The following RPS6KA3 variants were observed in gnomAD, a reference collection of about 807,000 sequenced individuals.
RPS6KA3 encodes the protein ribosomal protein S6 kinase alpha-3.
A neutral mutation model predicts 67.2 loss-of-function variants in RPS6KA3; 4 were observed. The observed-to-expected ratio is 0.06, with a 90% CI of 0.03 to 0.14. The LOEUF (loss-of-function observed/expected upper bound fraction) is 0.14. Ranked by LOEUF, RPS6KA3 falls within the 10% of genes least tolerant of loss-of-function variation. The pLI is 1.00. For synonymous variants in RPS6KA3, 182 were observed against 183.7 expected (o/e 0.99, Z 0.07); for missense variants, 204 against 559.0 (o/e 0.36, Z 6.40).
intron 2 of RPS6KA3, among the ~76,000 whole-genome samples, chrX:20,224,635 A>G (rs2069066152): frequency 9.0e-6 from 1 of 111,729 alleles, no homozygotes; most frequent in African/African-American, 3.3e-5. Flanking sequence ...CCATCAATAG[A>G]CAGTGTTATA....
At chrX:20,173,238 G>A (rs1012271391) in intron 14 of RPS6KA3, among the ~76,000 whole-genome samples, 1 of 111,726 alleles carries the variant, frequency 9.0e-6, no homozygotes, top group Non-Finnish European at 1.9e-5. Context: ...GAAACCTATG[G>A]TATAGAAGGA....
In RPS6KA3 at chrX:20,195,029, G is replaced by A. The variant is rs199524270; in HGVS notation, c.406+36C>T. ...TGTCCTCAGGGATTTTGAGGGATGA[G>A]GTCAAGGGATGATGTGGGAGACGGC... On this transcript the variant is annotated intron_variant, in intron 5 of 21. Coordinates refer to ENST00000379565, the MANE Select transcript of RPS6KA3 (RefSeq NM_004586.3). 6.2e-5 allele frequency: 55 copies of A among 880,735 alleles called. 1 individual carries two copies. In the Admixed American group the frequency reaches 8.9e-4, roughly 14 times the overall value. 72.6% of individuals were successfully genotyped at this position (880,735 alleles called of 1,213,427 possible).
At chrX:20,177,340 T>C (rs1228321435) in intron 10 of RPS6KA3, among the ~76,000 whole-genome samples, 1 of 112,066 alleles carries the variant, frequency 8.9e-6, no homozygotes, top group Non-Finnish European at 1.9e-5. Flanking sequence ...CTGGTTTTAT[T>C]TGCACTTATT....
At chrX:20,232,323 C>T (rs1214804467) in intron 2 of RPS6KA3, among the ~76,000 whole-genome samples, 3 of 112,311 alleles carry the variant, frequency 2.7e-5, no homozygotes, top group African/African-American at 9.7e-5. Context: ...GCCTGTAATC[C>T]CAGCACTTTG....
chrX:20,163,825 C>T (rs1047421641), intron 18 of RPS6KA3, among the ~76,000 whole-genome samples: 2 of 111,376 alleles, frequency 1.8e-5, no homozygotes, highest in Non-Finnish European at 3.8e-5. Flanking sequence ...TGTGCCATCA[C>T]GCTTGGCTTA....
upstream of RPS6KA3, chrX:20,267,053 G>C (rs1190447643): frequency 1.3e-6 from 1 of 752,514 alleles, no homozygotes; most frequent in Non-Finnish European, 1.6e-6. Context: ...CTCTCAAAGC[G>C]AGGCTCGGCC....
chrX:20,257,646 C>T (rs780158959), intron 1 of RPS6KA3, among the ~76,000 whole-genome samples: 66 of 111,754 alleles, frequency 5.9e-4, no homozygotes, highest in East Asian at 3.3e-3. Flanking sequence ...CCACTTTTTC[C>T]GTTTTAACTA....
chrX:20,160,859 G>A (rs762838376), intron 20 of RPS6KA3, among the ~76,000 whole-genome samples: 2 of 111,724 alleles, frequency 1.8e-5, no homozygotes, highest in African/African-American at 3.3e-5. Flanking sequence ...TTACTTATAC[G>A]ATCACCTCAA....
At chrX:20,180,818 A>C (rs2067824930) in intron 10 of RPS6KA3, among the ~76,000 whole-genome samples, 2 of 112,454 alleles carry the variant, frequency 1.8e-5, no homozygotes, top group Admixed American at 9.5e-5. Flanking sequence ...TTTTTGTTTC[A>C]GATATTGAGA....
rs905556279 is a variant in RPS6KA3 at position 20,154,632 on chromosome X, A to G, written c.*766T>C. 8.8e-6 allele frequency: 1 copy of G among 113,165 alleles called. No individual in the cohort carries two copies. Among genetic ancestry groups the G allele is most frequent in the Non-Finnish European group, 1.9e-5 (1 of 53,576 alleles). The allele number at this position is 113,165 out of a possible 1,213,427, so 9.3% of individuals were successfully genotyped here. ...CTTGATTTCATGCCACACACATATG[A>G]TAACTTTCTCTACCATAACAGCTCT... On this transcript the variant is annotated 3_prime_UTR_variant, in exon 22 of 22. Transcript: ENST00000379565.
Position 20,155,299 on chromosome X carries a change from A to G in RPS6KA3, c.*99T>C, listed in dbSNP as rs1695936294. On this transcript the variant is annotated 3_prime_UTR_variant, in exon 22 of 22. Coordinates refer to ENST00000379565, the MANE Select transcript of RPS6KA3 (RefSeq NM_004586.3). ...CAGCATTATGGGTACCAGCTGGGACAGTGTGTGCTTGCAGGTGTCTCTCAG... is the reference window on the plus strand; with the variant it reads ...CAGCATTATGGGTACCAGCTGGGACGGTGTGTGCTTGCAGGTGTCTCTCAG... 2 of 938,021 alleles carry G rather than the reference A, an allele frequency of 2.1e-6. No individual in the cohort carries two copies. Among genetic ancestry groups the G allele is most frequent in the African/African-American group, 1.9e-5 (1 of 52,381 alleles). The allele number at this position is 938,021 out of a possible 1,213,427, so 77.3% of individuals were successfully genotyped here. A position where few individuals can be genotyped will look rare whatever the true frequency, so the allele number is the denominator to read the frequency against.
In RPS6KA3 at chrX:20,205,870, C is replaced by T. The variant is rs139943105; in HGVS notation, c.244-1767G>A. Among the ~76,000 whole-genome samples, 645 of 112,571 alleles carry T rather than the reference C, an allele frequency of 5.7e-3. 5 individuals carry two copies. Among genetic ancestry groups the T allele is most frequent in the African/African-American group, 0.019 (596 of 31,015 alleles). ...TGAATGCATCTTCTTAACACTCCAG[C>T]ACTTCTTAGTTTGCAAAATACTTTC... On this transcript the variant is annotated intron_variant, in intron 3 of 21. Transcript: ENST00000379565.
intron 2 of RPS6KA3, among the ~76,000 whole-genome samples, chrX:20,230,922 T>C (rs5955593): frequency 0.39 from 42,727 of 110,621 alleles, 9,536 homozygotes; most frequent in African/African-American, 0.85. Flanking sequence ...ATACCCATAA[T>C]TTGTCTTAAC....
At chrX:20,253,059 C>T (rs959336558) in intron 1 of RPS6KA3, among the ~76,000 whole-genome samples, 1 of 110,714 alleles carries the variant, frequency 9.0e-6, no homozygotes, top group Non-Finnish European at 1.9e-5. Flanking sequence ...TAACTTCCTT[C>T]AGCTTGAAGT....
chrX:20,182,829 A>G (rs1216704369), intron 10 of RPS6KA3, among the ~76,000 whole-genome samples: 1 of 111,674 alleles, frequency 9.0e-6, no homozygotes, highest in Non-Finnish European at 1.9e-5. Context: ...GCTATGTATA[A>G]AAGTTGCCAC....
intron 2 of RPS6KA3, among the ~76,000 whole-genome samples, chrX:20,227,834 G>A (rs1380016246): frequency 6.3e-5 from 7 of 110,260 alleles, no homozygotes; most frequent in African/African-American, 1.3e-4. Flanking sequence ...ATATTACAAC[G>A]TAAAAAAAAA....
chrX:20,201,270 G>A (rs1394271121), intron 4 of RPS6KA3, among the ~76,000 whole-genome samples: 1 of 111,061 alleles, frequency 9.0e-6, no homozygotes, highest in East Asian at 2.8e-4. Flanking sequence ...AGAGTAGCTA[G>A]AATCACAGGC....
At chrX:20,227,000 CTTAAG>C (rs995019824) in intron 2 of RPS6KA3, among the ~76,000 whole-genome samples, 5 of 111,464 alleles carry the variant, frequency 4.5e-5, no homozygotes, top group African/African-American at 1.6e-4. Flanking sequence ...TTTGTTTTTC[CTTAAG>C]TTTACAGTTG....
At chrX:20,169,729 T>A in intron 15 of RPS6KA3, 1 of 392,293 alleles carries the variant, frequency 2.5e-6, no homozygotes, top group Admixed American at 3.8e-5. Context: ...CTCTCCAATC[T>A]AAGTTTGTAA....
Sources: allele counts gnomAD v4.1 joint callset (sites outside exome capture counted in the v4.1 genomes callset), GRCh38; gene constraint gnomAD v4.1.1; transcripts MANE v1.5; gene names NCBI Gene and HGNC (gene_info 2026-07-23, HGNC 2026-07-21).